Variants in SAMD5 observed in about 807,000 individuals in gnomAD.
The protein encoded by SAMD5 is sterile alpha motif domain containing 5, also known as sterile alpha motif domain-containing protein 5.
Under a neutral mutation model 11.3 loss-of-function variants are expected in SAMD5, and 13 were observed. The observed-to-expected ratio is 1.15, with a 90% CI of 0.75 to 1.83. The LOEUF is 1.83. SAMD5 is among the 40% of genes most tolerant of loss of function. The pLI is 0.00. For synonymous variants in SAMD5, 129 were observed against 111.3 expected (o/e 1.16, Z -1.00); for missense variants, 255 against 239.1 (o/e 1.07, Z -0.44).
At chr6:147,691,222 G>A (rs1325071135) in intron 1 of SAMD5, among the ~76,000 whole-genome samples, 2 of 152,070 alleles carry the variant, frequency 1.3e-5, no homozygotes, top group Non-Finnish European at 2.9e-5. Context: ...TTGAACTCCT[G>A]ACCTCAAGTG....
chr6:147,641,122 T>A (rs1213120857), intron 1 of SAMD5, among the ~76,000 whole-genome samples: 1 of 152,212 alleles, frequency 6.6e-6, no homozygotes, highest in Admixed American at 6.5e-5. Context: ...GGACACAGGA[T>A]CTCAGAAGCT....
chr6:147,709,401 G>A (rs911794005), intron 1 of SAMD5, among the ~76,000 whole-genome samples: 1 of 152,162 alleles, frequency 6.6e-6, no homozygotes. Flanking sequence ...GTAGGTGGGG[G>A]AGTTTTATTT....
chr6:147,850,871 G>A, the SAMD5 span, among the ~76,000 whole-genome samples: 1 of 151,402 alleles, frequency 6.6e-6, no homozygotes, highest in African/African-American at 2.4e-5. Context: ...CTGTGCTTGT[G>A]TTCAAACCAC....
At chr6:147,805,549 CT>C in the SAMD5 span, among the ~76,000 whole-genome samples, 1 of 152,146 alleles carries the variant, frequency 6.6e-6, no homozygotes, top group Admixed American at 6.5e-5. Flanking sequence ...AGGAAAACAA[CT>C]TTGAAATCAT....
chr6:147,722,920 G>A (rs1426198038), intron 1 of SAMD5, among the ~76,000 whole-genome samples: 1 of 152,140 alleles, frequency 6.6e-6, no homozygotes, highest in Non-Finnish European at 1.5e-5. Context: ...TGTGTTTCTT[G>A]GACTTCGAAT....
chr6:147,761,496 T>C, the SAMD5 span, among the ~76,000 whole-genome samples: 841 of 152,206 alleles, frequency 5.5e-3, 6 homozygotes, highest in African/African-American at 0.019. Context: ...CAGTACTGTA[T>C]AGAAGTCTCT....
chr6:147,583,818 AACAC>A (rs3032052), intron 1 of SAMD5, among the ~76,000 whole-genome samples: 1 of 149,394 alleles, frequency 6.7e-6, no homozygotes, highest in Admixed American at 6.7e-5. Flanking sequence ...GGAATTTTCA[AACAC>A]ACACACACAC....
chr6:147,726,032 G>A (rs775359843), intron 1 of SAMD5, among the ~76,000 whole-genome samples: 3 of 152,168 alleles, frequency 2.0e-5, no homozygotes, highest in South Asian at 2.1e-4. Flanking sequence ...ATAAAATAAC[G>A]AAATTACTTC....
At chr6:147,560,113 C>A (rs1788924935) in intron 1 of SAMD5, among the ~76,000 whole-genome samples, 1 of 152,136 alleles carries the variant, frequency 6.6e-6, no homozygotes, top group Admixed American at 6.5e-5. Flanking sequence ...AATCGGTCAG[C>A]AGTAGTAGTG....
At chr6:147,770,164 A>C in the SAMD5 span, among the ~76,000 whole-genome samples, 4 of 152,176 alleles carry the variant, frequency 2.6e-5, no homozygotes, top group East Asian at 7.7e-4. Flanking sequence ...TTAAATCTCC[A>C]TTTAGCCAAA....
chr6:147,726,115 A>G (rs1395587959), intron 1 of SAMD5, among the ~76,000 whole-genome samples: 2 of 152,190 alleles, frequency 1.3e-5, no homozygotes, highest in South Asian at 2.1e-4. Flanking sequence ...AGAAACTACT[A>G]TTGCTAGAAA....
At chr6:147,693,641 A>C (rs1258324548) in intron 1 of SAMD5, among the ~76,000 whole-genome samples, 1 of 152,214 alleles carries the variant, frequency 6.6e-6, no homozygotes, top group African/African-American at 2.4e-5. Context: ...ATTCCGTACA[A>C]GGTGAACCAC....
chr6:147,527,477 G>A (rs571129068), intron 1 of SAMD5, among the ~76,000 whole-genome samples: 26 of 152,234 alleles, frequency 1.7e-4, no homozygotes, highest in African/African-American at 5.1e-4. Flanking sequence ...GTCCACTGCC[G>A]TATTCAGTCA....
the SAMD5 span, among the ~76,000 whole-genome samples, chr6:147,820,341 C>G: frequency 6.6e-6 from 1 of 152,106 alleles, no homozygotes; most frequent in Non-Finnish European, 1.5e-5. Flanking sequence ...ATCTATTTTT[C>G]TGAACATCTA....
In SAMD5 at chr6:147,564,643, T is replaced by G. The variant is rs569811443; in HGVS notation, c.*187T>G. 7.2e-7 allele frequency: 1 copy of G among 1,381,976 alleles called. No homozygotes were observed. Among genetic ancestry groups the G allele is most frequent in the African/African-American group, 1.5e-5 (1 of 68,020 alleles). The allele number at this position is 1,381,976 out of a possible 1,614,324, so 85.6% of individuals were successfully genotyped here. A position where few individuals can be genotyped will look rare whatever the true frequency, so the allele number is the denominator to read the frequency against. ...AACTGGGTAACTGGCTTATAACAGC[T>G]AGAAATAAGGCAGTGAACTATCACG... On this transcript the variant is annotated 3_prime_UTR_variant, in exon 2 of 2. Coordinates refer to ENST00000367474, the MANE Select transcript of SAMD5 (RefSeq NM_001030060.3).
chr6:147,723,984 A>C (rs941226746), intron 1 of SAMD5, among the ~76,000 whole-genome samples: 3 of 152,194 alleles, frequency 2.0e-5, no homozygotes, highest in Non-Finnish European at 4.4e-5. Flanking sequence ...GAAGGCTGGG[A>C]TATAGGAGAT....
At chr6:147,765,718 G>C in the SAMD5 span, among the ~76,000 whole-genome samples, 1 of 152,194 alleles carries the variant, frequency 6.6e-6, no homozygotes, top group Non-Finnish European at 1.5e-5. Context: ...GGGCTGAAGA[G>C]AGAGGCTTTG....
At chr6:147,896,241 T>C in the SAMD5 span, among the ~76,000 whole-genome samples, 1 of 152,006 alleles carries the variant, frequency 6.6e-6, no homozygotes, top group Non-Finnish European at 1.5e-5. Flanking sequence ...GTGTGGTGGG[T>C]GTGGTGTGTC....
intron 1 of SAMD5, among the ~76,000 whole-genome samples, chr6:147,585,726 G>T (rs1202862839): frequency 6.6e-6 from 1 of 152,056 alleles, no homozygotes; most frequent in Non-Finnish European, 1.5e-5. Context: ...AAAGAATTCT[G>T]AGTTTTGGTC....
Sources: gnomAD v4.1 joint callset for allele counts (sites outside exome capture counted in the v4.1 genomes callset) on GRCh38, gnomAD v4.1.1 for gene constraint, MANE v1.5 for transcripts, NCBI Gene and HGNC (gene_info 2026-07-23, HGNC 2026-07-21) for gene names.